FOCAD: variants seen among roughly 807,000 people sequenced by gnomAD.
FOCAD encodes the protein focadhesin.
Under a neutral mutation model 225.6 loss-of-function variants are expected in FOCAD, and 198 were observed. The ratio of observed to expected loss-of-function variants is 0.88; its 90% confidence interval spans 0.78 to 0.99. The LOEUF is 0.99. Ranked by LOEUF, FOCAD falls within the 50% of genes least tolerant of loss-of-function variation. The pLI, the probability that FOCAD is intolerant of heterozygous loss-of-function variation, is 0.00. For missense variants in FOCAD, 2,713 were observed against 2,123.6 expected, an observed-to-expected ratio of 1.28 and a Z score of -5.46; for synonymous variants, 897 against 755.0, an observed-to-expected ratio of 1.19 and a Z score of -3.08.
chr9:20,973,685 G>A (rs10964777), intron 35 of FOCAD, among the ~76,000 whole-genome samples: 1 of 131,996 alleles, frequency 7.6e-6, no homozygotes, highest in Non-Finnish European at 1.6e-5. Flanking sequence ...CTGTTTTCAC[G>A]TTTGCTGACT....
intron 6 of FOCAD, among the ~76,000 whole-genome samples, chr9:20,763,306 A>G (rs1829776364): frequency 6.6e-6 from 1 of 152,158 alleles, no homozygotes; most frequent in African/African-American, 2.4e-5. Context: ...GGGGATACAG[A>G]TATTAAGTAT....
intron 4 of FOCAD, among the ~76,000 whole-genome samples, chr9:20,738,370 C>T (rs905460115): frequency 6.6e-6 from 1 of 152,156 alleles, no homozygotes; most frequent in Non-Finnish European, 1.5e-5. Context: ...ATTCACTGGC[C>T]ATTTTGTGGG....
chr9:20,765,539 G>T (rs909986126), intron 7 of FOCAD, among the ~76,000 whole-genome samples: 2 of 152,132 alleles, frequency 1.3e-5, no homozygotes, highest in African/African-American at 4.8e-5. Flanking sequence ...ATGTCCCCTT[G>T]CAACATATGC....
intron 24 of FOCAD, among the ~76,000 whole-genome samples, chr9:20,919,167 A>G (rs1834145752): frequency 6.6e-6 from 1 of 152,238 alleles, no homozygotes; most frequent in Non-Finnish European, 1.5e-5. Flanking sequence ...TTATACACCA[A>G]TAACAGACAA....
intron 15 of FOCAD, among the ~76,000 whole-genome samples, chr9:20,849,091 A>G (rs892101274): frequency 7.9e-5 from 12 of 151,956 alleles, no homozygotes; most frequent in Non-Finnish European, 1.5e-4. Context: ...AAATATATAA[A>G]AAAGGATTTT....
At chr9:20,672,458 T>C (rs1257769951) in intron 2 of FOCAD, among the ~76,000 whole-genome samples, 2 of 152,156 alleles carry the variant, frequency 1.3e-5, no homozygotes, top group African/African-American at 4.8e-5. Flanking sequence ...ATTATTATTA[T>C]TATTATTTTT....
intron 15 of FOCAD, among the ~76,000 whole-genome samples, chr9:20,834,932 G>A (rs1279942069): frequency 6.6e-6 from 1 of 152,044 alleles, no homozygotes; most frequent in Non-Finnish European, 1.5e-5. Flanking sequence ...TCATATTGAA[G>A]TGAGAATTTT....
chr9:20,949,757 T>A, intron 33 of FOCAD, 82 bp downstream of exon 33: 4 of 1,179,994 alleles, frequency 3.4e-6, no homozygotes, highest in Non-Finnish European at 5.0e-6. Context: ...ATACAACATG[T>A]TTTACCTGGA....
At chr9:20,865,857 C>T in intron 16 of FOCAD, 69 bp from the exon 17 acceptor site, 1 of 1,122,946 alleles carries the variant, frequency 8.9e-7, no homozygotes, top group South Asian at 1.4e-5. Flanking sequence ...TTATTTGCTA[C>T]TTTGGATTAT....
chr9:20,709,237 A>T (rs1179600174), intron 1 of FOCAD, among the ~76,000 whole-genome samples: 3 of 152,172 alleles, frequency 2.0e-5, no homozygotes, highest in African/African-American at 4.8e-5. Flanking sequence ...AGACTTCATT[A>T]AAAATTCTCT....
chr9:20,921,692 C>G lies in FOCAD; in HGVS notation c.2853-1968C>G, dbSNP rs930712837. On this transcript the variant is annotated intron_variant, in intron 24 of 43. Transcript: ENST00000338382. Reference sequence around the variant, plus strand: ...TCCAAATATGTGTTCATTCTGCAACCAAATATATTATTACCAGTGTTTTTA... The same window carrying G: ...TCCAAATATGTGTTCATTCTGCAACGAAATATATTATTACCAGTGTTTTTA... Among the ~76,000 whole-genome samples the G allele has an allele frequency of 2.6e-5, 4 of 152,198 alleles. No homozygotes were observed. In the East Asian group the frequency reaches 5.8e-4, roughly 22 times the overall value.
chr9:20,989,648 A>G (rs376217034), intron 41 of FOCAD, among the ~76,000 whole-genome samples: 13 of 152,314 alleles, frequency 8.5e-5, no homozygotes, highest in African/African-American at 3.1e-4. Context: ...GTGAGACCCC[A>G]TTTCTTAAAA....
chr9:20,951,500 G>C (rs184572463), intron 34 of FOCAD, among the ~76,000 whole-genome samples: 15 of 152,186 alleles, frequency 9.9e-5, no homozygotes, highest in Admixed American at 9.2e-4. Context: ...TTAAAGCTTG[G>C]AACAGATTTA....
chr9:20,885,366 A>G, intron 21 of FOCAD, 136 bp downstream of exon 21: 1 of 797,584 alleles, frequency 1.3e-6, no homozygotes, highest in Non-Finnish European at 1.7e-6. Context: ...AAAATAGTTG[A>G]CCCAACTGAA....
chr9:20,982,684 C>T (rs765462122), intron 39 of FOCAD, among the ~76,000 whole-genome samples: 1 of 152,128 alleles, frequency 6.6e-6, no homozygotes, highest in Admixed American at 6.5e-5. Context: ...CCGATTTCTC[C>T]CACTTTGTCC....
At chr9:20,975,008 A>T (rs536880465) in intron 35 of FOCAD, among the ~76,000 whole-genome samples, 12 of 152,020 alleles carry the variant, frequency 7.9e-5, no homozygotes, top group Admixed American at 7.2e-4. Context: ...CTTTTTCAGC[A>T]TCTTCTGATT....
chr9:20,754,438 C>A (rs566114832), intron 5 of FOCAD, among the ~76,000 whole-genome samples: 1 of 152,162 alleles, frequency 6.6e-6, no homozygotes, highest in Non-Finnish European at 1.5e-5. Context: ...TTCTGTTACT[C>A]TTGTGCATCC....
rs1001092444 is a variant in FOCAD at position 20,912,956 on chromosome 9, T to G, written c.2807+2T>G. Reference sequence around the variant, plus strand: ...CAAAAAAAGCACAGCCTGGCTCTGGTAAGTGTTCATGTTCAGCTGCCCATT... The same window carrying G: ...CAAAAAAAGCACAGCCTGGCTCTGGGAAGTGTTCATGTTCAGCTGCCCATT... On this transcript the variant is annotated splice_donor_variant, in intron 23 of 43. Transcript: ENST00000338382. LOFTEE classifies it high-confidence loss of function. 1.2e-6 allele frequency: 2 copies of G among 1,611,152 alleles called. No homozygotes were observed. The highest frequency in any genetic ancestry group is 2.7e-5 in the African/African-American group (2 of 74,766).
chr9:20,939,310 A>G (rs1271218762), intron 28 of FOCAD, among the ~76,000 whole-genome samples: 1 of 152,220 alleles, frequency 6.6e-6, no homozygotes, highest in African/African-American at 2.4e-5. Context: ...AACCTAATCC[A>G]TGCATTTATA....
Sources: gnomAD v4.1 joint callset for allele counts (sites outside exome capture counted in the v4.1 genomes callset) on GRCh38, gnomAD v4.1.1 for gene constraint, MANE v1.5 for transcripts, NCBI Gene and HGNC (gene_info 2026-07-23, HGNC 2026-07-21) for gene names.